Variants in RBFOX1 observed in about 807,000 individuals in gnomAD.
The protein encoded by RBFOX1 is RNA binding protein fox-1 homolog 1.
A neutral mutation model predicts 57.7 loss-of-function variants in RBFOX1; 8 were observed. The ratio of observed to expected loss-of-function variants is 0.14; its 90% CI spans 0.08 to 0.25. The LOEUF (loss-of-function observed/expected upper bound fraction) is 0.25. Ranked by LOEUF, RBFOX1 falls within the 10% of genes least tolerant of loss-of-function variation. The probability of loss-of-function intolerance (pLI) is 1.00; values close to 1 mark genes in which losing one functional copy is unlikely to be tolerated. For synonymous variants in RBFOX1, 326 were observed against 222.4 expected, an observed-to-expected ratio of 1.47 and a Z score of -4.15; for missense variants, 611 against 548.5, an observed-to-expected ratio of 1.11 and a Z score of -1.14.
chr16:6,831,658 T>A (rs2141062191), intron 3 of RBFOX1, among the ~76,000 whole-genome samples: 1 of 152,318 alleles, frequency 6.6e-6, no homozygotes, highest in Admixed American at 6.5e-5. Context: ...TTTTTTTTAA[T>A]ACAAAGATGA....
In RBFOX1 at chr16:7,557,118, T is replaced by C. The variant is rs552384598; in HGVS notation, c.271-22659T>C. On this transcript the variant is annotated intron_variant, in intron 5 of 15. Coordinates refer to ENST00000550418, the MANE Select transcript of RBFOX1 (RefSeq NM_018723.4). ...CCACAGAGCGAGTATTATAAACCCA[T>C]TTTACAGATGAGGGAACTGAGGTAC... 3.3e-5 allele frequency among the ~76,000 whole-genome samples: 5 copies of C among 152,230 alleles called. No homozygotes were observed. In the East Asian group the frequency reaches 7.7e-4, roughly 24 times the overall value.
At chr16:6,907,384 T>C (rs1039998019) in intron 3 of RBFOX1, among the ~76,000 whole-genome samples, 3 of 152,132 alleles carry the variant, frequency 2.0e-5, no homozygotes, top group African/African-American at 7.2e-5. Flanking sequence ...TATCCATGTA[T>C]TGGTTTTCTA....
chr16:6,070,566 A>T (rs2095823646), intron 1 of RBFOX1, among the ~76,000 whole-genome samples: 3 of 152,196 alleles, frequency 2.0e-5, no homozygotes, highest in Admixed American at 2.0e-4. Context: ...GTAACACAGA[A>T]TGATACAAAA....
chr16:6,952,138 C>T (rs924607466), intron 3 of RBFOX1, among the ~76,000 whole-genome samples: 7 of 152,166 alleles, frequency 4.6e-5, no homozygotes, highest in Non-Finnish European at 7.3e-5. Context: ...ACAAGTGCTT[C>T]GCAGAGCACA....
At chr16:7,581,751 C>T (rs140383084) in intron 6 of RBFOX1, among the ~76,000 whole-genome samples, 10 of 152,288 alleles carry the variant, frequency 6.6e-5, no homozygotes, top group African/African-American at 2.2e-4. Flanking sequence ...AGTTCTCACT[C>T]TGCTACCCAG....
rs982809070 is a variant in RBFOX1 at position 6,840,023 on chromosome 16, C to T, written c.-16+185373C>T. On this transcript the variant is annotated intron_variant, in intron 3 of 15. Coordinates refer to ENST00000550418, the MANE Select transcript of RBFOX1 (RefSeq NM_018723.4). ...AAATAATATCTGTAGCAACTATGGACCCTGGGAAGGATAATAAAACAAAAA... is the reference window on the plus strand; with the variant it reads ...AAATAATATCTGTAGCAACTATGGATCCTGGGAAGGATAATAAAACAAAAA... Among the ~76,000 whole-genome samples, 7 of 152,024 alleles carry T rather than the reference C, an allele frequency of 4.6e-5. 1 individual carries two copies. The highest frequency in any genetic ancestry group is 8.8e-5 in the Non-Finnish European group (6 of 68,036).
At chr16:6,115,709 A>G (rs1012810902) in intron 1 of RBFOX1, among the ~76,000 whole-genome samples, 9 of 152,018 alleles carry the variant, frequency 5.9e-5, no homozygotes, top group Non-Finnish European at 1.3e-4. Context: ...GCAACTACTT[A>G]TTGTTTATTT....
At chr16:7,155,042 G>A (rs1466624237) in intron 4 of RBFOX1, among the ~76,000 whole-genome samples, 1 of 152,234 alleles carries the variant, frequency 6.6e-6, no homozygotes, top group East Asian at 1.9e-4. Flanking sequence ...AATATTTTGT[G>A]TGGCGGAGGG....
chr16:6,291,913 A>G (rs1281228890), intron 1 of RBFOX1, among the ~76,000 whole-genome samples: 1 of 151,916 alleles, frequency 6.6e-6, no homozygotes, highest in Non-Finnish European at 1.5e-5. Context: ...ATGTCTTTAT[A>G]ATCTTTCAAA....
intron 3 of RBFOX1, among the ~76,000 whole-genome samples, chr16:6,798,798 T>C (rs2084690204): frequency 6.6e-6 from 1 of 152,162 alleles, no homozygotes; most frequent in Non-Finnish European, 1.5e-5. Context: ...CACCATAGTT[T>C]ATTGAGCATC....
At chr16:6,734,388 T>C (rs1023452192) in intron 3 of RBFOX1, among the ~76,000 whole-genome samples, 1 of 152,248 alleles carries the variant, frequency 6.6e-6, no homozygotes, top group African/African-American at 2.4e-5. Context: ...ACAGCTCTAA[T>C]TTACTGAACA....
chr16:6,462,969 C>G (rs761227628), intron 2 of RBFOX1, among the ~76,000 whole-genome samples: 30 of 152,068 alleles, frequency 2.0e-4, no homozygotes, highest in Non-Finnish European at 2.9e-4. Context: ...AGCTGTTCAC[C>G]TTAGCTTGTG....
intron 4 of RBFOX1, among the ~76,000 whole-genome samples, chr16:7,118,674 C>T (rs1033620105): frequency 2.0e-5 from 3 of 152,108 alleles, no homozygotes; most frequent in African/African-American, 7.2e-5. Context: ...GTGGGTCCTG[C>T]TCACATTCAA....
At chr16:7,139,010 A>T (rs189375162) in intron 4 of RBFOX1, among the ~76,000 whole-genome samples, 54 of 152,104 alleles carry the variant, frequency 3.6e-4, no homozygotes, top group Admixed American at 1.1e-3. Flanking sequence ...TACCATTTTG[A>T]GCAGGCTGGT....
intron 3 of RBFOX1, among the ~76,000 whole-genome samples, chr16:5,783,416 A>C (rs56373149): frequency 7.2e-5 from 11 of 152,292 alleles, no homozygotes; most frequent in East Asian, 3.9e-4. Flanking sequence ...TATGAGGGTT[A>C]TATGGTGTAT....
chr16:5,507,410 G>T (rs904775147), intron 2 of RBFOX1, among the ~76,000 whole-genome samples: 1 of 152,116 alleles, frequency 6.6e-6, no homozygotes, highest in Admixed American at 6.5e-5. Flanking sequence ...GGCACACATA[G>T]GTGTTCAGAA....
At chr16:6,583,115 G>C (rs139239037) in intron 2 of RBFOX1, among the ~76,000 whole-genome samples, 10 of 152,204 alleles carry the variant, frequency 6.6e-5, no homozygotes, top group Middle Eastern at 3.4e-3. Context: ...GATAGTATCA[G>C]AGCCAGCATT....
chr16:6,508,191 C>T (rs879545464), intron 2 of RBFOX1, among the ~76,000 whole-genome samples: 2 of 151,936 alleles, frequency 1.3e-5, no homozygotes, highest in South Asian at 4.2e-4. Context: ...TAGAGTGAAA[C>T]AACACATCCT....
Position 7,333,233 on chromosome 16 carries a change from AG to A in RBFOX1, c.28-184913del. ...GTGAGAAGACAGTAGGAAATCAAAA[AG>A]ATGGATCACCCTAATCTAGCTATCG... On this transcript the variant is annotated intron_variant, in intron 4 of 15. Transcript: ENST00000550418. The A allele has an allele frequency of 8.5e-6, 6 of 709,154 alleles. No homozygotes were observed. The South Asian group carries it at 1.0e-4, about 12-fold the overall frequency. The allele number at this position is 709,154 out of a possible 1,614,324, so 43.9% of individuals were successfully genotyped here.
Sources: gnomAD v4.1 joint callset for allele counts (sites outside exome capture counted in the v4.1 genomes callset) on GRCh38, gnomAD v4.1.1 for gene constraint, MANE v1.5 for transcripts, NCBI Gene and HGNC (gene_info 2026-07-23, HGNC 2026-07-21) for gene names.